UNC50: variants seen among roughly 807,000 people sequenced by gnomAD.
The protein encoded by UNC50 is unc-50 inner nuclear membrane RNA binding protein, also known as protein unc-50 homolog.
In UNC50, 24 loss-of-function variants were observed where a neutral mutation model predicts 31.5. That is an observed-to-expected ratio of 0.76 (90% CI 0.55 to 1.07). The LOEUF is 1.07. Ranked by LOEUF, UNC50 falls within the 50% of genes least tolerant of loss-of-function variation. The probability of loss-of-function intolerance (pLI) is 0.00; values close to 1 mark genes in which losing one functional copy is unlikely to be tolerated. For synonymous variants in UNC50, 118 were observed against 114.7 expected (o/e 1.03, Z -0.18); for missense variants, 245 against 304.2 (o/e 0.81, Z 1.45).
intron 5 of UNC50, among the ~76,000 whole-genome samples, chr2:98,617,513 C>T (rs1160235147): frequency 6.6e-6 from 1 of 152,140 alleles, no homozygotes; most frequent in Non-Finnish European, 1.5e-5. Context: ...CTGGTAACGA[C>T]CTATACCACT....
chr2:98,609,613 A>G, intron 1 of UNC50, 143 bp from the exon 2 acceptor site: 2 of 1,329,496 alleles, frequency 1.5e-6, no homozygotes, highest in East Asian at 2.3e-5. Context: ...AACTAACTGC[A>G]TTTGCTTTTG....
intron 1 of UNC50, 69 bp downstream of exon 1, chr2:98,608,795 G>A (rs1028813594): frequency 3.4e-6 from 1 of 293,932 alleles, no homozygotes; most frequent in African/African-American, 2.3e-5. Context: ...AATCCCGACA[G>A]CTTGCGGCCT....
intron 1 of UNC50, 81 bp downstream of exon 1, chr2:98,608,807 ACGTCGCTGCGGCCTGG>A (rs770748426): frequency 7.0e-4 from 199 of 284,648 alleles, no homozygotes; most frequent in Non-Finnish European, 1.1e-3. Context: ...TTGCGGCCTG[ACGTCGCTGCGGCCTGG>A]CAGTGACCAT....
chr2:98,618,322 C>A lies in UNC50; in HGVS notation c.*18C>A. 6.3e-7 allele frequency: 1 copy of A among 1,587,846 alleles called. No homozygotes were observed. Among genetic ancestry groups the A allele is most frequent in the Non-Finnish European group, 8.5e-7 (1 of 1,171,736 alleles). ...TGAAATAAAAAGTGAGAAGAAGATT[C>A]AATCGTAACTGTGTCAACAGTATTG... On this transcript the variant is annotated 3_prime_UTR_variant, in exon 6 of 6. Coordinates refer to ENST00000357765, the MANE Select transcript of UNC50 (RefSeq NM_014044.7).
At chr2:98,611,665 G>A (rs1035745807) in intron 3 of UNC50, among the ~76,000 whole-genome samples, 1 of 152,178 alleles carries the variant, frequency 6.6e-6, no homozygotes, top group African/African-American at 2.4e-5. Flanking sequence ...TTGGGGTCCC[G>A]AGATTTATTT....
rs1164597159 is a variant in UNC50, at chr2:98,618,145, G to C, written c.644-23G>C. On this transcript the variant is annotated intron_variant, in intron 5 of 5. Coordinates refer to ENST00000357765, the MANE Select transcript of UNC50 (RefSeq NM_014044.7). ...TTTATTTTTTTTTTTTTTTAAATCA[G>C]TTTGGATTCCTTTCTTTTCCAGCAT... 4.9e-6 allele frequency: 7 copies of C among 1,440,438 alleles called. No individual in the cohort carries two copies. The East Asian group carries it at 1.8e-4, about 37-fold the overall frequency. 89.2% of individuals were successfully genotyped at this position (1,440,438 alleles called of 1,614,324 possible).
intron 3 of UNC50, 72 bp from the exon 4 acceptor site, chr2:98,616,135 C>A (rs150518865): frequency 1.4e-6 from 2 of 1,462,268 alleles, no homozygotes; most frequent in East Asian, 2.3e-5. Flanking sequence ...GAATGTCTGC[C>A]GCATAGAAAG....
intron 3 of UNC50, among the ~76,000 whole-genome samples, chr2:98,614,496 T>C (rs1425086563): frequency 6.6e-6 from 1 of 152,140 alleles, no homozygotes; most frequent in African/African-American, 2.4e-5. Flanking sequence ...GGTTGATGAC[T>C]CTAGACCTAG....
At chr2:98,612,846 T>C (rs755624510) in intron 3 of UNC50, among the ~76,000 whole-genome samples, 4 of 152,266 alleles carry the variant, frequency 2.6e-5, no homozygotes, top group South Asian at 2.1e-4. Flanking sequence ...TACACTGTAC[T>C]GTAGTCTTTT....
chr2:98,616,612 T>C, intron 5 of UNC50, 79 bp downstream of exon 5: 1 of 1,129,176 alleles, frequency 8.9e-7, no homozygotes, highest in Non-Finnish European at 1.3e-6. Context: ...AAACAGCTGC[T>C]TTTATGGAAC....
In UNC50 at chr2:98,618,420, G is replaced by T; in HGVS notation, c.*116G>T. 1 of 1,155,680 alleles carries T rather than the reference G, an allele frequency of 8.7e-7. No homozygotes were observed. Among genetic ancestry groups the T allele is most frequent in the Admixed American group, 3.6e-5 (1 of 27,880 alleles). 71.6% of individuals were successfully genotyped at this position (1,155,680 alleles called of 1,614,324 possible). A position where few individuals can be genotyped will look rare whatever the true frequency, so the allele number is the denominator to read the frequency against. ...TAGATATCTTAAAGGTGTAAAGTTT[G>T]CAAATTTGAAGAAATATATATTAAC... On this transcript the variant is annotated 3_prime_UTR_variant, in exon 6 of 6. Coordinates refer to ENST00000357765, the MANE Select transcript of UNC50 (RefSeq NM_014044.7).
In UNC50 at chr2:98,618,174, C is replaced by A; in HGVS notation, c.650C>A (p.Pro217Gln). The A allele has an allele frequency of 6.4e-7, 1 of 1,559,490 alleles. No individual in the cohort carries two copies. The highest frequency in any genetic ancestry group is 8.7e-7 in the Non-Finnish European group (1 of 1,154,144). Residue 217 changes from proline to glutamine, a missense_variant, in exon 6 of 6, where the codon CCA becomes CAA. Physicochemically the swap from Pro to Gln is moderately conservative, Grantham distance 76 (BLOSUM62 -1). Transcript: ENST00000357765. Reference sequence around the variant, plus strand: ...GGATTCCTTTCTTTTCCAGCATTGCCATTTTTGAAAAATACAGTAATTCTT... The same window carrying A: ...GGATTCCTTTCTTTTCCAGCATTGCAATTTTTGAAAAATACAGTAATTCTT... Reference protein sequence around the residue: ...YVTFLGYSALPFLKNTVILLY... With the variant: ...YVTFLGYSALQFLKNTVILLY...
chr2:98,610,873 C>G lies in UNC50; in HGVS notation c.379C>G (p.Leu127Val). 6.2e-7 allele frequency: 1 copy of G among 1,613,964 alleles called. No homozygotes were observed. The highest frequency in any genetic ancestry group is 8.5e-7 in the Non-Finnish European group (1 of 1,179,934). The change falls in exon 3 of 6, where the codon CTT becomes GTT. Residue 127 changes from leucine to valine, a missense_variant. Physicochemically the swap from Leu to Val is conservative, Grantham distance 32. Coordinates refer to ENST00000357765, the MANE Select transcript of UNC50 (RefSeq NM_014044.7). ...ACTCATAGATTGTGTAGGCGTTGGT[C>G]TTCTGATAGCAACTTTAATGTGGTA... is the stretch of plus-strand genomic sequence containing the variant. ...VVLIDCVGVGLLIATLMWFIS... is the reference protein window; with the variant it reads ...VVLIDCVGVGVLIATLMWFIS...
intron 3 of UNC50, among the ~76,000 whole-genome samples, chr2:98,613,966 A>C (rs1700879613): frequency 6.6e-6 from 1 of 152,214 alleles, no homozygotes; most frequent in African/African-American, 2.4e-5. Context: ...TGTGAACAGC[A>C]CACTAGGTCT....
intron 5 of UNC50, among the ~76,000 whole-genome samples, chr2:98,617,738 T>TA: frequency 6.6e-6 from 1 of 152,218 alleles, no homozygotes; most frequent in East Asian, 1.9e-4. Context: ...TATAATGCTT[T>TA]ACACTGGAAA....
chr2:98,618,258 A>ACTT lies in UNC50; in HGVS notation c.736_738dup (p.Phe246dup), dbSNP rs1700970491. The ACTT allele has an allele frequency of 6.2e-7, 1 of 1,612,430 alleles. No individual in the cohort carries two copies. Among genetic ancestry groups the ACTT allele is most frequent in the South Asian group, 1.1e-5 (1 of 90,768 alleles). ...GGGCTTTCCCTGGCACTGGGATGGA[A>ACTT]CTTCACCCATACTCTCTGTTCTTTC... On this transcript the variant is annotated inframe_insertion, in exon 6 of 6. Coordinates refer to ENST00000357765, the MANE Select transcript of UNC50 (RefSeq NM_014044.7).
Position 98,616,444 on chromosome 2 carries a change from C to T in UNC50, c.554C>T (p.Thr185Ile). 6.2e-7 allele frequency: 1 copy of T among 1,614,066 alleles called. No homozygotes were observed. The highest frequency in any genetic ancestry group is 8.5e-7 in the Non-Finnish European group (1 of 1,179,950). ...TCTCTTCTGGCAGATGTTATCCTGA[C>T]AGACACATTTATTGGATATTTAGTT... ...QLFFINHVIL[T>I]DTFIGYLVGN... The change falls in exon 5 of 6, where the codon ACA becomes ATA. Residue 185 changes from threonine to isoleucine, a missense_variant. Transcript: ENST00000357765.
intron 3 of UNC50, among the ~76,000 whole-genome samples, chr2:98,612,518 T>C (rs1468687702): frequency 6.6e-6 from 1 of 151,806 alleles, no homozygotes; most frequent in African/African-American, 2.4e-5. Flanking sequence ...CAAGCGAATC[T>C]CCTGCCTCAG....
At chr2:98,610,935 C>T in intron 3 of UNC50, 40 bp downstream of exon 3, 1 of 1,591,590 alleles carries the variant, frequency 6.3e-7, no homozygotes, top group African/African-American at 1.4e-5. Flanking sequence ...ACTGCTGTAG[C>T]ATCTCCATTT....
Sources: allele counts gnomAD v4.1 joint callset (sites outside exome capture counted in the v4.1 genomes callset), GRCh38; gene constraint gnomAD v4.1.1; transcripts MANE v1.5; gene names NCBI Gene and HGNC (gene_info 2026-07-23, HGNC 2026-07-21).